Variants in PARD3B observed in about 807,000 individuals in gnomAD.
PARD3B encodes the protein par-3 family cell polarity regulator beta.
In PARD3B, 103 loss-of-function variants were observed where a neutral mutation model predicts 130.2. That is an observed-to-expected ratio of 0.79 (90% CI 0.67 to 0.93). The LOEUF (loss-of-function observed/expected upper bound fraction) is 0.93. PARD3B is among the 40% of genes least tolerant of loss of function. The pLI is 0.00. For synonymous variants in PARD3B, 583 were observed against 553.2 expected (o/e 1.05, Z -0.76); for missense variants, 1,609 against 1,499.2 (o/e 1.07, Z -1.21).
chr2:205,508,686 G>T (rs1354341133), intron 21 of PARD3B, among the ~76,000 whole-genome samples: 1 of 152,000 alleles, frequency 6.6e-6, no homozygotes, highest in Non-Finnish European at 1.5e-5. Flanking sequence ...TATCCCAATG[G>T]TTCCCTCCCA....
chr2:205,554,927 C>A (rs1268986011), intron 22 of PARD3B, among the ~76,000 whole-genome samples: 1 of 152,054 alleles, frequency 6.6e-6, no homozygotes, highest in Non-Finnish European at 1.5e-5. Flanking sequence ...AGGTCGGGGG[C>A]TGGGGTGCGG....
At chr2:204,904,758 C>T (rs921855060) in intron 2 of PARD3B, among the ~76,000 whole-genome samples, 1 of 151,486 alleles carries the variant, frequency 6.6e-6, no homozygotes, top group African/African-American at 2.4e-5. Context: ...TAAATATGTT[C>T]TCTACTTTTT....
intron 2 of PARD3B, among the ~76,000 whole-genome samples, chr2:204,905,325 C>A (rs2047005647): frequency 6.6e-6 from 1 of 152,112 alleles, no homozygotes; most frequent in Non-Finnish European, 1.5e-5. Flanking sequence ...TGGGACCTGG[C>A]ATGGTGGGAG....
At chr2:205,053,866 T>C (rs1225254762) in intron 4 of PARD3B, among the ~76,000 whole-genome samples, 3 of 152,114 alleles carry the variant, frequency 2.0e-5, no homozygotes, top group African/African-American at 7.2e-5. Context: ...ACTACTGCAT[T>C]ATTTAGAGAT....
At chr2:204,996,738 G>A (rs903041744) in intron 3 of PARD3B, among the ~76,000 whole-genome samples, 4 of 149,470 alleles carry the variant, frequency 2.7e-5, no homozygotes, top group East Asian at 2.0e-4. Context: ...GCGAGATTCC[G>A]TGGGCGTAGG....
intron 20 of PARD3B, among the ~76,000 whole-genome samples, chr2:205,487,005 A>G (rs189945663): frequency 5.4e-4 from 82 of 152,348 alleles, no homozygotes; most frequent in Admixed American, 9.1e-4. Flanking sequence ...TATGCTAATC[A>G]TATTAGAATA....
At chr2:205,013,211 C>T (rs1695865019) in intron 3 of PARD3B, among the ~76,000 whole-genome samples, 1 of 152,110 alleles carries the variant, frequency 6.6e-6, no homozygotes, top group South Asian at 2.1e-4. Context: ...AGCCATGGCC[C>T]CTGGGCTGTT....
intron 1 of PARD3B, among the ~76,000 whole-genome samples, chr2:204,556,143 A>G (rs943965044): frequency 6.6e-6 from 1 of 152,204 alleles, no homozygotes; most frequent in African/African-American, 2.4e-5. Flanking sequence ...CCATGCATCC[A>G]TCACCACCTG....
At chr2:204,713,975 T>C (rs950473234) in intron 2 of PARD3B, among the ~76,000 whole-genome samples, 1 of 152,192 alleles carries the variant, frequency 6.6e-6, no homozygotes, top group African/African-American at 2.4e-5. Context: ...GCTCTGTCAG[T>C]GTACAGAGGT....
chr2:205,372,139 A>G (rs1452020993), intron 18 of PARD3B, among the ~76,000 whole-genome samples: 1 of 152,160 alleles, frequency 6.6e-6, no homozygotes, highest in African/African-American at 2.4e-5. Context: ...CAAATTTTGC[A>G]TGAATATATG....
At chr2:204,566,259 G>C (rs1176422783) in intron 1 of PARD3B, among the ~76,000 whole-genome samples, 1 of 152,188 alleles carries the variant, frequency 6.6e-6, no homozygotes, top group East Asian at 1.9e-4. Flanking sequence ...CCATTTGTAA[G>C]GCAAAGGTAC....
In PARD3B at chr2:205,499,990, G is replaced by A. The variant is rs770686986; in HGVS notation, c.3139G>A (p.Asp1047Asn). 6.8e-6 allele frequency: 11 copies of A among 1,613,750 alleles called. No homozygotes were observed. The Admixed American group carries it at 1.2e-4, about 17-fold the overall frequency. The change falls in exon 21 of 23, where the codon GAC becomes AAC. Residue 1047 changes from aspartate to asparagine, a missense_variant. By Grantham distance (23) the Asp-to-Asn change is conservative (BLOSUM62 1). Coordinates refer to ENST00000406610, the MANE Select transcript of PARD3B (RefSeq NM_001302769.2). ...RREGFPLYEDDEGRARPSEYD... is the reference protein window; with the variant it reads ...RREGFPLYEDNEGRARPSEYD... ...GGAAGGTTTCCCTTTATATGAAGACGACGAAGGAAGAGCAAGGCCATCTGA... is the reference window on the plus strand; with the variant it reads ...GGAAGGTTTCCCTTTATATGAAGACAACGAAGGAAGAGCAAGGCCATCTGA...
At chr2:205,495,895 T>C (rs920081711) in intron 20 of PARD3B, among the ~76,000 whole-genome samples, 4 of 151,898 alleles carry the variant, frequency 2.6e-5, no homozygotes, top group Admixed American at 2.6e-4. Context: ...TTTTAAGATA[T>C]TGACAGCACC....
At chr2:204,794,404 CTG>C (rs1191525003) in intron 2 of PARD3B, among the ~76,000 whole-genome samples, 2 of 152,158 alleles carry the variant, frequency 1.3e-5, no homozygotes, top group African/African-American at 2.4e-5. Context: ...ATTGTTTTGA[CTG>C]TGTCTGCATG....
rs570737797 is a variant in PARD3B, at chr2:204,560,211, G to T, written c.120+14092G>T. On this transcript the variant is annotated intron_variant, in intron 1 of 22. Coordinates refer to ENST00000406610, the MANE Select transcript of PARD3B (RefSeq NM_001302769.2). ...AATAGTAAAATGTGCCATGTAATCAGTGAGGTCTCAGTCAGACTTCCAATT... is the reference window on the plus strand; with the variant it reads ...AATAGTAAAATGTGCCATGTAATCATTGAGGTCTCAGTCAGACTTCCAATT... Among the ~76,000 whole-genome samples, 12 of 152,274 alleles carry T rather than the reference G, an allele frequency of 7.9e-5. No individual in the cohort carries two copies. In the South Asian group the frequency reaches 1.5e-3, roughly 18 times the overall value.
intron 2 of PARD3B, among the ~76,000 whole-genome samples, chr2:204,900,405 GAC>G (rs2046812610): frequency 6.6e-6 from 1 of 152,046 alleles, no homozygotes; most frequent in African/African-American, 2.4e-5. Flanking sequence ...AGGAGACACC[GAC>G]ACAGTCTTCA....
intron 2 of PARD3B, among the ~76,000 whole-genome samples, chr2:204,934,004 T>C (rs10200380): frequency 0.3 from 45,510 of 152,070 alleles, 7,452 homozygotes; most frequent in Non-Finnish European, 0.37. Flanking sequence ...ATTGTCACCT[T>C]ATTCCTATGA....
At chr2:205,436,267 G>A (rs2106145997) in intron 19 of PARD3B, among the ~76,000 whole-genome samples, 1 of 152,276 alleles carries the variant, frequency 6.6e-6, no homozygotes, top group South Asian at 2.1e-4. Context: ...AATTTTGGGA[G>A]ACATTACCGC....
At chr2:205,012,368 T>A (rs1695784237) in intron 3 of PARD3B, among the ~76,000 whole-genome samples, 1 of 152,186 alleles carries the variant, frequency 6.6e-6, no homozygotes, top group African/African-American at 2.4e-5. Flanking sequence ...CCAATACATA[T>A]CCTGATAGAT....
Sources: allele counts gnomAD v4.1 joint callset (sites outside exome capture counted in the v4.1 genomes callset), GRCh38; gene constraint gnomAD v4.1.1; transcripts MANE v1.5; gene names NCBI Gene and HGNC (gene_info 2026-07-23, HGNC 2026-07-21).